The following KCNIP4 variants were observed in gnomAD, a reference collection of about 807,000 sequenced individuals.
KCNIP4 encodes Kv channel-interacting protein 4.
A neutral mutation model predicts 34.0 loss-of-function variants in KCNIP4; 12 were observed. The observed-to-expected ratio is 0.35, with a 90% CI of 0.23 to 0.57. The LOEUF (loss-of-function observed/expected upper bound fraction) is 0.57. Among genes scored for constraint, KCNIP4 ranks in the 20% least tolerant of loss-of-function variants. The pLI is 0.83. For missense variants in KCNIP4, 238 were observed against 311.7 expected (o/e 0.76, Z 1.78); for synonymous variants, 124 against 102.2 (o/e 1.21, Z -1.29).
intron 1 of KCNIP4, among the ~76,000 whole-genome samples, chr4:21,810,163 G>A (rs1438980459): frequency 1.3e-5 from 2 of 152,154 alleles, no homozygotes; most frequent in Non-Finnish European, 2.9e-5. Context: ...TGTTAGGAAA[G>A]GAGGATGAAG....
At chr4:21,670,586 T>A (rs1749403942) in intron 1 of KCNIP4, among the ~76,000 whole-genome samples, 1 of 151,974 alleles carries the variant, frequency 6.6e-6, no homozygotes, top group Non-Finnish European at 1.5e-5. Context: ...AAAAAATCGA[T>A]CATATTGAAG....
intron 1 of KCNIP4, among the ~76,000 whole-genome samples, chr4:21,878,974 C>T (rs1392077604): frequency 2.0e-5 from 3 of 152,106 alleles, no homozygotes; most frequent in Admixed American, 2.0e-4. Context: ...AAGAAAAATG[C>T]AATGAATTTT....
chr4:21,616,202 T>C (rs964501439), intron 1 of KCNIP4, among the ~76,000 whole-genome samples: 4 of 152,138 alleles, frequency 2.6e-5, no homozygotes, highest in African/African-American at 9.7e-5. Context: ...TTCCCTGAAG[T>C]GTTCTTCCTC....
chr4:20,909,330 T>G (rs979803317), intron 1 of KCNIP4, among the ~76,000 whole-genome samples: 3 of 152,166 alleles, frequency 2.0e-5, no homozygotes, highest in African/African-American at 7.2e-5. Flanking sequence ...ATGCAAGAAA[T>G]GTATGGCCCT....
intron 1 of KCNIP4, among the ~76,000 whole-genome samples, chr4:21,504,483 G>GAAAT (rs1733656239): frequency 1.2e-5 from 1 of 84,190 alleles, no homozygotes; most frequent in Non-Finnish European, 2.2e-5. Flanking sequence ...AAAAAAGAAA[G>GAAAT]AAAGAAAGAA....
intron 1 of KCNIP4, among the ~76,000 whole-genome samples, chr4:20,963,235 G>A (rs1734020534): frequency 6.6e-6 from 1 of 151,874 alleles, no homozygotes; most frequent in South Asian, 2.1e-4. Context: ...GGTGAGGCAT[G>A]AGAATTCCTT....
chr4:21,827,922 C>G (rs766532678), intron 1 of KCNIP4, among the ~76,000 whole-genome samples: 7 of 150,884 alleles, frequency 4.6e-5, no homozygotes, highest in Admixed American at 1.3e-4. Context: ...TGATTTCAAC[C>G]CAGGGCTGAA....
intron 1 of KCNIP4, among the ~76,000 whole-genome samples, chr4:21,441,012 G>T (rs901123621): frequency 6.6e-5 from 10 of 152,048 alleles, no homozygotes; most frequent in Admixed American, 5.9e-4. Context: ...CATCTTCCTT[G>T]TCCACAGTTC....
chr4:21,208,950 C>T (rs1757040064), intron 1 of KCNIP4, among the ~76,000 whole-genome samples: 1 of 152,054 alleles, frequency 6.6e-6, no homozygotes, highest in African/African-American at 2.4e-5. Flanking sequence ...CTCATAAGAA[C>T]TCACTCTCTA....
chr4:21,426,297 G>T (rs1366944867), intron 1 of KCNIP4, among the ~76,000 whole-genome samples: 2 of 152,172 alleles, frequency 1.3e-5, no homozygotes, highest in Non-Finnish European at 1.5e-5. Context: ...TCTTTCGGGT[G>T]TGATGAAAAT....
In KCNIP4 at chr4:20,859,647, G is replaced by A. The variant is rs577664761; in HGVS notation, c.164-8980C>T. On this transcript the variant is annotated intron_variant, in intron 2 of 8. Coordinates refer to ENST00000382152, the MANE Select transcript of KCNIP4 (RefSeq NM_025221.6). ...AAATCATCTAGGAACAACAGAATGC[G>A]TTTTAAAAATAGTCATCGTTCTCCT... Among the ~76,000 whole-genome samples, 299 of 152,130 alleles carry A rather than the reference G, an allele frequency of 2.0e-3. 1 individual carries two copies. The highest frequency in any genetic ancestry group is 6.8e-3 in the African/African-American group (282 of 41,524).
At chr4:21,200,571 G>T (rs1756421347) in intron 1 of KCNIP4, among the ~76,000 whole-genome samples, 1 of 151,756 alleles carries the variant, frequency 6.6e-6, no homozygotes, top group Non-Finnish European at 1.5e-5. Flanking sequence ...CTCACTAAGT[G>T]GGAGCTAAAC....
intron 1 of KCNIP4, among the ~76,000 whole-genome samples, chr4:21,896,011 A>G (rs894804745): frequency 6.6e-6 from 1 of 152,180 alleles, no homozygotes; most frequent in African/African-American, 2.4e-5. Flanking sequence ...TGTACTGATG[A>G]GGCTTTGCCA....
At chr4:21,424,968 A>G (rs1051867736) in intron 1 of KCNIP4, among the ~76,000 whole-genome samples, 83 of 152,200 alleles carry the variant, frequency 5.5e-4, no homozygotes, top group African/African-American at 2.0e-3. Context: ...TTTGTCCTTC[A>G]CAACAAAGTT....
At chr4:21,298,685 T>A (rs1418327591) in intron 1 of KCNIP4, among the ~76,000 whole-genome samples, 1 of 152,184 alleles carries the variant, frequency 6.6e-6, no homozygotes, top group Non-Finnish European at 1.5e-5. Flanking sequence ...TTGACTGAAA[T>A]TTAATGCTGA....
At chr4:20,926,030 C>T (rs966225053) in intron 1 of KCNIP4, among the ~76,000 whole-genome samples, 7 of 152,192 alleles carry the variant, frequency 4.6e-5, no homozygotes, top group South Asian at 2.1e-4. Context: ...ATTTGAGACT[C>T]CGAGAAGGAA....
chr4:21,721,594 G>T (rs1404513340), intron 1 of KCNIP4, among the ~76,000 whole-genome samples: 2 of 152,084 alleles, frequency 1.3e-5, no homozygotes, highest in African/African-American at 4.8e-5. Flanking sequence ...ATTTCTGGGG[G>T]CAAGTATATA....
intron 1 of KCNIP4, among the ~76,000 whole-genome samples, chr4:21,897,158 T>G (rs1362960492): frequency 1.3e-5 from 2 of 152,074 alleles, no homozygotes; most frequent in East Asian, 3.9e-4. Flanking sequence ...AGTATGCCCT[T>G]TAGCCACATT....
chr4:21,025,562 T>TG (rs1560656681), intron 1 of KCNIP4, among the ~76,000 whole-genome samples: 3 of 123,326 alleles, frequency 2.4e-5, no homozygotes, highest in Non-Finnish European at 5.2e-5. Context: ...TTTTTTTTTT[T>TG]TTTTTTTTTG....
Sources: gnomAD v4.1 joint callset for allele counts (sites outside exome capture counted in the v4.1 genomes callset) on GRCh38, gnomAD v4.1.1 for gene constraint, MANE v1.5 for transcripts, NCBI Gene and HGNC (gene_info 2026-07-23, HGNC 2026-07-21) for gene names.